Variants in GRIK3 observed in about 807,000 individuals in gnomAD.
GRIK3 encodes the protein glutamate receptor ionotropic, kainate 3.
Under a neutral mutation model 102.5 loss-of-function variants are expected in GRIK3, and 29 were observed. The ratio of observed to expected loss-of-function variants is 0.28; its 90% CI spans 0.21 to 0.39. The LOEUF (loss-of-function observed/expected upper bound fraction) is 0.39. Among genes scored for constraint, GRIK3 ranks in the 10% least tolerant of loss-of-function variants. The pLI is 1.00. For synonymous variants in GRIK3, 511 were observed against 504.9 expected, an observed-to-expected ratio of 1.01 and a Z score of -0.16; for missense variants, 908 against 1,252.4, an observed-to-expected ratio of 0.73 and a Z score of 4.15.
In GRIK3 at chr1:37,013,879, A is replaced by G. The variant is rs188958603; in HGVS notation, c.115+20115T>C. On this transcript the variant is annotated intron_variant, in intron 1 of 15. Transcript: ENST00000373091. ...GAAAGCCCCAAGACAAAGTTGGAGC[A>G]GGGCTTTGGAAATCCACCTCATCAC... 2.6e-5 allele frequency among the ~76,000 whole-genome samples: 4 copies of G among 152,360 alleles called. 1 individual carries two copies. In the East Asian group the frequency reaches 7.7e-4, roughly 29 times the overall value.
At chr1:37,002,947 A>T (rs1642493508) in intron 1 of GRIK3, among the ~76,000 whole-genome samples, 1 of 151,474 alleles carries the variant, frequency 6.6e-6, no homozygotes, top group Admixed American at 6.6e-5. Context: ...CCAATGTTGC[A>T]TTTCTTACAG....
chr1:36,900,844 T>C (rs910107060), intron 1 of GRIK3, among the ~76,000 whole-genome samples: 1 of 152,106 alleles, frequency 6.6e-6, no homozygotes, highest in Non-Finnish European at 1.5e-5. Context: ...GGATACAAAT[T>C]GTTAGTATCA....
intron 10 of GRIK3, among the ~76,000 whole-genome samples, chr1:36,841,389 C>T (rs1261489641): frequency 1.3e-5 from 2 of 152,184 alleles, no homozygotes; most frequent in African/African-American, 2.4e-5. Context: ...CTGGGGCATC[C>T]TCTGGTGGTT....
intron 14 of GRIK3, among the ~76,000 whole-genome samples, chr1:36,805,515 G>GGGCAGT (rs1477434369): frequency 6.6e-6 from 1 of 152,240 alleles, no homozygotes; most frequent in Non-Finnish European, 1.5e-5. Context: ...GCAGGGGCAG[G>GGGCAGT]AGAGGGAAGG....
intron 1 of GRIK3, among the ~76,000 whole-genome samples, chr1:37,008,942 T>A (rs919630627): frequency 8.5e-5 from 13 of 152,146 alleles, no homozygotes; most frequent in Admixed American, 2.0e-4. Flanking sequence ...AGCTGTGATA[T>A]CGTTAAGACC....
At chr1:36,809,012 C>T (rs1019583606) in intron 13 of GRIK3, among the ~76,000 whole-genome samples, 3 of 152,188 alleles carry the variant, frequency 2.0e-5, no homozygotes, top group African/African-American at 7.2e-5. Context: ...GATTGCAGCT[C>T]TTCAGTTCCT....
intron 1 of GRIK3, among the ~76,000 whole-genome samples, chr1:37,027,665 T>C (rs543182418): frequency 6.6e-6 from 1 of 152,314 alleles, no homozygotes; most frequent in East Asian, 1.9e-4. Context: ...CAATGGGCAG[T>C]ATCATCCCCA....
chr1:37,016,451 C>A (rs984001457), intron 1 of GRIK3, among the ~76,000 whole-genome samples: 1 of 152,164 alleles, frequency 6.6e-6, no homozygotes, highest in African/African-American at 2.4e-5. Context: ...GGGACAAGAT[C>A]CCTCCCTCTG....
At chr1:36,849,087 C>T (rs933467915) in intron 9 of GRIK3, among the ~76,000 whole-genome samples, 2 of 152,212 alleles carry the variant, frequency 1.3e-5, no homozygotes, top group Non-Finnish European at 2.9e-5. Context: ...CACAGGCTAA[C>T]ATTTATCTCT....
At chr1:36,904,926 A>G (rs1180433043) in intron 1 of GRIK3, among the ~76,000 whole-genome samples, 1 of 152,218 alleles carries the variant, frequency 6.6e-6, no homozygotes, top group Non-Finnish European at 1.5e-5. Context: ...ATAACAAATC[A>G]TGTTGTTGCA....
At chr1:36,815,511 C>T (rs72911568) in intron 13 of GRIK3, among the ~76,000 whole-genome samples, 17,455 of 152,224 alleles carry the variant, frequency 0.11, 1,089 homozygotes, top group Middle Eastern at 0.25. Context: ...CCCCAGGCTT[C>T]CATTCCAGGT....
chr1:37,011,961 A>G (rs1396956075), intron 1 of GRIK3, among the ~76,000 whole-genome samples: 1 of 152,088 alleles, frequency 6.6e-6, no homozygotes. Flanking sequence ...TCCACCTCCC[A>G]TGCACCACCT....
intron 1 of GRIK3, among the ~76,000 whole-genome samples, chr1:36,922,819 T>G (rs1641488601): frequency 6.6e-6 from 1 of 151,988 alleles, no homozygotes; most frequent in Non-Finnish European, 1.5e-5. Context: ...CTCCCTCCAC[T>G]CCCTAAACCC....
intron 15 of GRIK3, chr1:36,804,685 C>T: frequency 2.0e-6 from 1 of 504,578 alleles, no homozygotes; most frequent in Middle Eastern, 5.0e-4. Flanking sequence ...AACAAGGTAC[C>T]AGTTGCTGTG....
At chr1:36,817,324 G>A in intron 12 of GRIK3, 47 bp from the exon 13 acceptor site, 2 of 1,302,060 alleles carry the variant, frequency 1.5e-6, no homozygotes, top group South Asian at 2.4e-5. Context: ...ATCCAGACTA[G>A]CGCTGCTCAA....
chr1:36,843,873 A>G (rs1298796978), intron 9 of GRIK3, among the ~76,000 whole-genome samples: 2 of 152,248 alleles, frequency 1.3e-5, no homozygotes, highest in African/African-American at 2.4e-5. Flanking sequence ...TCATGTCTGC[A>G]TGCCCAGATT....
intron 1 of GRIK3, among the ~76,000 whole-genome samples, chr1:36,935,452 T>C (rs1345258291): frequency 6.6e-6 from 1 of 152,142 alleles, no homozygotes; most frequent in African/African-American, 2.4e-5. Context: ...CATTGTCCTA[T>C]TCAGGCCGGG....
intron 1 of GRIK3, among the ~76,000 whole-genome samples, chr1:36,911,803 G>A (rs1466987711): frequency 6.6e-6 from 1 of 152,070 alleles, no homozygotes; most frequent in Non-Finnish European, 1.5e-5. Flanking sequence ...TGAGCGGGGA[G>A]CTGTGGAGGG....
intron 13 of GRIK3, among the ~76,000 whole-genome samples, chr1:36,810,913 T>A (rs1642554170): frequency 6.6e-6 from 1 of 152,190 alleles, no homozygotes; most frequent in African/African-American, 2.4e-5. Context: ...GCCTGAGGCT[T>A]GCTTGTGGGG....
Sources: allele counts gnomAD v4.1 joint callset (sites outside exome capture counted in the v4.1 genomes callset), GRCh38; gene constraint gnomAD v4.1.1; transcripts MANE v1.5; gene names NCBI Gene and HGNC (gene_info 2026-07-23, HGNC 2026-07-21).